The following GPHN variants were observed in gnomAD, a reference collection of about 807,000 sequenced individuals.
The protein encoded by GPHN is gephyrin.
In GPHN, 17 loss-of-function variants were observed where a neutral mutation model predicts 95.5. The observed-to-expected ratio is 0.18, with a 90% confidence interval of 0.12 to 0.27. The LOEUF is 0.27. GPHN is among the 10% of genes least tolerant of loss of function. GPHN has a pLI of 1.00. For synonymous variants in GPHN, 320 were observed against 322.5 expected (o/e 0.99, Z 0.08); for missense variants, 660 against 978.1 (o/e 0.67, Z 4.34).
intron 2 of GPHN, among the ~76,000 whole-genome samples, chr14:66,716,459 T>G (rs1014145284): frequency 3.3e-5 from 5 of 152,150 alleles, no homozygotes; most frequent in Admixed American, 6.5e-5. Context: ...CAGTTCTTTC[T>G]GTCTTTCAGA....
At chr14:67,400,017 T>G in the GPHN span, among the ~76,000 whole-genome samples, 1 of 152,196 alleles carries the variant, frequency 6.6e-6, no homozygotes, top group Non-Finnish European at 1.5e-5. Context: ...TTGCCTAGTA[T>G]GGATTCATAT....
At chr14:67,178,552 T>C (rs946150714) in intron 21 of GPHN, among the ~76,000 whole-genome samples, 4 of 152,214 alleles carry the variant, frequency 2.6e-5, no homozygotes, top group African/African-American at 4.8e-5. Context: ...GGGTTGCTCT[T>C]CTGGAGGAAT....
intron 8 of GPHN, among the ~76,000 whole-genome samples, chr14:66,939,553 C>T (rs528662952): frequency 6.6e-6 from 1 of 152,140 alleles, no homozygotes; most frequent in East Asian, 1.9e-4. Context: ...TTGCAGGCCA[C>T]CCCACACGCA....
intron 4 of GPHN, among the ~76,000 whole-genome samples, chr14:66,840,812 C>G (rs1028338710): frequency 6.1e-5 from 9 of 148,508 alleles, no homozygotes; most frequent in Non-Finnish European, 1.0e-4. Flanking sequence ...TGTTTTAGAA[C>G]ATTCCTATTC....
chr14:66,961,900 G>GTATATATATA (rs767734322), intron 8 of GPHN, among the ~76,000 whole-genome samples: 568 of 52,832 alleles, frequency 0.011, 49 homozygotes, highest in Non-Finnish European at 0.019. Context: ...CCCTGAATGT[G>GTATATATATA]TATATATATA....
intron 1 of GPHN, among the ~76,000 whole-genome samples, chr14:66,533,695 G>T (rs756800140): frequency 6.6e-6 from 1 of 152,180 alleles, no homozygotes; most frequent in Non-Finnish European, 1.5e-5. Context: ...GGCTAAAGTA[G>T]ATGAACTTAA....
intron 13 of GPHN, among the ~76,000 whole-genome samples, chr14:67,103,221 A>T (rs562669483): frequency 6.6e-6 from 1 of 152,208 alleles, no homozygotes; most frequent in African/African-American, 2.4e-5. Context: ...TGGTCAATGT[A>T]TCTGTTTTGC....
chr14:66,791,712 C>T (rs1372847270), intron 3 of GPHN, among the ~76,000 whole-genome samples: 3 of 152,206 alleles, frequency 2.0e-5, no homozygotes, highest in Non-Finnish European at 4.4e-5. Flanking sequence ...TCATTGCCAT[C>T]TTGGTTTTAG....
chr14:66,709,760 A>G (rs2069436858), intron 2 of GPHN, among the ~76,000 whole-genome samples: 1 of 152,128 alleles, frequency 6.6e-6, no homozygotes, highest in African/African-American at 2.4e-5. Flanking sequence ...ACCTAATTTT[A>G]TGTTTTAGCC....
At chr14:67,612,893 C>T in the GPHN span, among the ~76,000 whole-genome samples, 1 of 151,830 alleles carries the variant, frequency 6.6e-6, no homozygotes, top group East Asian at 1.9e-4. Flanking sequence ...CACAGTGAGC[C>T]GAGATCGCAC....
At chr14:66,902,039 A>T (rs1222544132) in intron 5 of GPHN, among the ~76,000 whole-genome samples, 1 of 151,800 alleles carries the variant, frequency 6.6e-6, no homozygotes, top group East Asian at 1.9e-4. Context: ...TGTGCTCTTC[A>T]GTTTCTTTCA....
chr14:67,194,528 CAG>C, the GPHN span, among the ~76,000 whole-genome samples: 1 of 152,014 alleles, frequency 6.6e-6, no homozygotes, highest in South Asian at 2.1e-4. Context: ...TCCCCCAAGA[CAG>C]AGTTTTGCTC....
chr14:67,642,788 A>ACTTTTTT, the GPHN span, among the ~76,000 whole-genome samples: 1 of 33,734 alleles, frequency 3.0e-5, no homozygotes, highest in Non-Finnish European at 6.7e-5. Context: ...ATGTTACTAC[A>ACTTTTTT]TTTTCTTTTT....
At chr14:66,729,154 G>A (rs996814832) in intron 2 of GPHN, among the ~76,000 whole-genome samples, 10 of 152,060 alleles carry the variant, frequency 6.6e-5, no homozygotes, top group Non-Finnish European at 1.0e-4. Context: ...ATGATTGTGA[G>A]GCCTCCCCAG....
intron 1 of GPHN, among the ~76,000 whole-genome samples, chr14:66,554,118 A>ATT (rs139461935): frequency 6.6e-6 from 1 of 151,926 alleles, no homozygotes. Context: ...ATATTTTGGA[A>ATT]TTTTTTTTAC....
chr14:67,102,393 G>T (rs1402856494), intron 13 of GPHN, among the ~76,000 whole-genome samples: 4 of 151,972 alleles, frequency 2.6e-5, no homozygotes, highest in Non-Finnish European at 5.9e-5. Flanking sequence ...GGGCGTGGTG[G>T]CTCATGCCTG....
the GPHN span, among the ~76,000 whole-genome samples, chr14:67,306,266 G>A: frequency 2.4e-4 from 36 of 151,348 alleles, no homozygotes; most frequent in African/African-American, 5.6e-4. Flanking sequence ...CACCGAACCC[G>A]GCCTATTTTC....
intron 17 of GPHN, among the ~76,000 whole-genome samples, chr14:67,122,903 G>A (rs1440709889): frequency 6.6e-6 from 1 of 152,110 alleles, no homozygotes; most frequent in East Asian, 1.9e-4. Context: ...ATTTTTAAGA[G>A]CCTATTACCC....
the GPHN span, among the ~76,000 whole-genome samples, chr14:67,263,560 A>G: frequency 2.6e-5 from 4 of 152,218 alleles, no homozygotes; most frequent in Non-Finnish European, 5.9e-5. Context: ...TTCTCTTAGT[A>G]TAGGATAAGA....
Sources: gnomAD v4.1 joint callset for allele counts (sites outside exome capture counted in the v4.1 genomes callset) on GRCh38, gnomAD v4.1.1 for gene constraint, MANE v1.5 for transcripts, NCBI Gene and HGNC (gene_info 2026-07-23, HGNC 2026-07-21) for gene names.